ELF2: variants seen among roughly 807,000 people sequenced by gnomAD.
ELF2 encodes ETS-related transcription factor Elf-2.
A neutral mutation model predicts 54.8 loss-of-function variants in ELF2; 11 were observed. That is an observed-to-expected ratio of 0.20 (90% confidence interval 0.13 to 0.33). The LOEUF (loss-of-function observed/expected upper bound fraction) is 0.33, where lower values mean the gene tolerates loss of function less well. Ranked by LOEUF, ELF2 falls within the 10% of genes least tolerant of loss-of-function variation. The pLI, the probability that ELF2 is intolerant of heterozygous loss-of-function variation, is 1.00. For synonymous variants in ELF2, 203 were observed against 245.1 expected, an observed-to-expected ratio of 0.83 and a Z score of 1.61; for missense variants, 513 against 703.0, an observed-to-expected ratio of 0.73 and a Z score of 3.06.
intron 4 of ELF2, among the ~76,000 whole-genome samples, chr4:139,105,990 G>C (rs1172651560): frequency 1.3e-5 from 2 of 152,156 alleles, no homozygotes. Flanking sequence ...TGAATCAGAA[G>C]TCCTGGGGAT....
At chr4:139,097,730 A>T (rs528834686) in intron 4 of ELF2, among the ~76,000 whole-genome samples, 1 of 151,822 alleles carries the variant, frequency 6.6e-6, no homozygotes, top group Admixed American at 6.6e-5. Context: ...TTAGTTTCCA[A>T]TATTATTATT....
At chr4:139,114,638 CTTTCT>C (rs1735390453) in intron 4 of ELF2, among the ~76,000 whole-genome samples, 1 of 56,144 alleles carries the variant, frequency 1.8e-5, no homozygotes, top group South Asian at 6.9e-4. Context: ...TTTTTTTTTT[CTTTCT>C]TTTTTTTTTT....
chr4:139,115,470 G>GGGC, intron 4 of ELF2: 3 of 899,492 alleles, frequency 3.3e-6, no homozygotes, highest in Non-Finnish European at 4.0e-6. Flanking sequence ...GCCGCGGCGA[G>GGGC]GGCAGCGGCG....
rs920556127 is a variant in ELF2, at chr4:139,115,278, G to A, written c.238+9886C>T. 102 of 1,601,060 alleles carry A rather than the reference G, an allele frequency of 6.4e-5. 1 individual carries two copies. In the Middle Eastern group the frequency reaches 9.0e-4, roughly 14 times the overall value. On this transcript the variant is annotated intron_variant, in intron 4 of 9. Coordinates refer to ENST00000686138, the MANE Select transcript of ELF2 (RefSeq NM_001331036.3). The stretch of plus-strand genomic sequence containing the variant: ...GGCCCTCTCCTGCGGTCCCGGGGGG[G>A]GCTCTGAAAGTAGACGCGTGGTCCT...
intron 1 of ELF2, among the ~76,000 whole-genome samples, chr4:139,173,386 A>C (rs1328935841): frequency 1.3e-5 from 2 of 152,210 alleles, no homozygotes; most frequent in Non-Finnish European, 2.9e-5. Context: ...AAAAAATAGA[A>C]ACTTAAATGT....
intron 1 of ELF2, among the ~76,000 whole-genome samples, chr4:139,148,029 G>T (rs965807303): frequency 6.8e-5 from 10 of 147,782 alleles, no homozygotes; most frequent in Non-Finnish European, 1.5e-4. Flanking sequence ...CAGGTGATCC[G>T]CCTGCCTCAG....
Position 139,061,924 on chromosome 4 carries a change from A to G in ELF2, c.747T>C (p.Leu249=). 1 of 1,613,840 alleles carries G rather than the reference A, an allele frequency of 6.2e-7. No individual in the cohort carries two copies. Among genetic ancestry groups the G allele is most frequent in the Non-Finnish European group, 8.5e-7 (1 of 1,179,810 alleles). The change falls in exon 8 of 10, where the codon CTT becomes CTC. Residue 249 remains leucine, a synonymous_variant. Transcript: ENST00000686138. The part of the protein sequence containing the change: ...KLVDSKAVSK[L]WGKHKNKPDM... The stretch of plus-strand genomic sequence containing the variant: ...CTGGTTTGTTCTTATGCTTTCCCCA[A>G]AGCTTAGAGACAGCCTTTGAATCCA...
intron 4 of ELF2, chr4:139,116,575 G>A (rs1437838640): frequency 5.6e-6 from 4 of 717,844 alleles, no homozygotes; most frequent in Non-Finnish European, 5.1e-6. Context: ...ACAAAAATAT[G>A]GTAAAGGTAG....
chr4:139,101,690 C>A (rs996632478), intron 4 of ELF2: 1 of 152,194 alleles, frequency 6.6e-6, no homozygotes, highest in South Asian at 2.1e-4. Context: ...AATGCACTGG[C>A]TTCTGATCTT....
At chr4:139,102,734 G>A (rs1031278971) in intron 4 of ELF2, among the ~76,000 whole-genome samples, 1 of 151,568 alleles carries the variant, frequency 6.6e-6, no homozygotes, top group Non-Finnish European at 1.5e-5. Flanking sequence ...CCAGCTACTC[G>A]GGAGGCTGAG....
chr4:139,102,001 G>A (rs1296846190), intron 4 of ELF2: 1 of 151,560 alleles, frequency 6.6e-6, no homozygotes, highest in Non-Finnish European at 1.5e-5. Context: ...AAAAAGGGGG[G>A]GATGTCAAGT....
At chr4:139,089,562 C>G (rs1732369182) in intron 4 of ELF2, among the ~76,000 whole-genome samples, 1 of 152,076 alleles carries the variant, frequency 6.6e-6, no homozygotes, top group Non-Finnish European at 1.5e-5. Flanking sequence ...GTGTATGTAT[C>G]CCTGAATGAC....
At chr4:139,159,882 G>A (rs983078453) in intron 1 of ELF2, among the ~76,000 whole-genome samples, 9 of 152,198 alleles carry the variant, frequency 5.9e-5, no homozygotes, top group Non-Finnish European at 5.9e-5. Context: ...CAGCATGGTG[G>A]TGCAAGATAT....
intron 1 of ELF2, among the ~76,000 whole-genome samples, chr4:139,140,292 A>T (rs1738580664): frequency 6.6e-6 from 1 of 152,092 alleles, no homozygotes; most frequent in Non-Finnish European, 1.5e-5. Flanking sequence ...TCTAACTCCC[A>T]AGCCTCCTCA....
intron 4 of ELF2, among the ~76,000 whole-genome samples, chr4:139,114,561 T>TCACACACACACACACACACACACACA (rs776035411): frequency 5.5e-5 from 6 of 108,634 alleles, no homozygotes; most frequent in Non-Finnish European, 8.8e-5. Flanking sequence ...GACTTCAGTC[T>TCACACACACACACACACACACACACA]CACACACACA....
chr4:139,138,963 TA>T (rs1738447640), intron 2 of ELF2, among the ~76,000 whole-genome samples: 1 of 152,142 alleles, frequency 6.6e-6, no homozygotes, highest in Non-Finnish European at 1.5e-5. Flanking sequence ...AAATTACTCC[TA>T]AAAAATTTTT....
intron 4 of ELF2, among the ~76,000 whole-genome samples, chr4:139,113,383 C>T (rs1256319606): frequency 6.6e-6 from 1 of 150,996 alleles, no homozygotes; most frequent in Non-Finnish European, 1.5e-5. Context: ...TGGCTGAGTG[C>T]AGTGGCTCAC....
chr4:139,157,919 A>T (rs1740711449), intron 1 of ELF2, among the ~76,000 whole-genome samples: 1 of 152,238 alleles, frequency 6.6e-6, no homozygotes, highest in Non-Finnish European at 1.5e-5. Flanking sequence ...AACGCGTCTG[A>T]CTACGGATCA....
intron 1 of ELF2, among the ~76,000 whole-genome samples, chr4:139,170,740 A>AT (rs1553978322): frequency 7.8e-4 from 70 of 90,128 alleles, no homozygotes; most frequent in Middle Eastern, 6.8e-3. Context: ...ATATTATATT[A>AT]ATTATATTAT....
Sources: allele counts gnomAD v4.1 joint callset (sites outside exome capture counted in the v4.1 genomes callset), GRCh38; gene constraint gnomAD v4.1.1; transcripts MANE v1.5; gene names NCBI Gene and HGNC (gene_info 2026-07-23, HGNC 2026-07-21).